The following VDAC1 variants were observed in gnomAD, a reference collection of about 807,000 sequenced individuals.
The protein encoded by VDAC1 is voltage dependent anion channel 1.
In VDAC1, 10 loss-of-function variants were observed where a neutral mutation model predicts 34.7. The observed-to-expected ratio is 0.29, with a 90% CI of 0.18 to 0.49. The LOEUF (loss-of-function observed/expected upper bound fraction) is 0.49. Ranked by LOEUF, VDAC1 falls within the 20% of genes least tolerant of loss-of-function variation. The pLI is 0.99. For synonymous variants in VDAC1, 130 were observed against 136.0 expected, an observed-to-expected ratio of 0.96 and a Z score of 0.30; for missense variants, 230 against 347.9, an observed-to-expected ratio of 0.66 and a Z score of 2.69.
chr5:134,096,872 C>T, the VDAC1 span, among the ~76,000 whole-genome samples: 3,307 of 152,344 alleles, frequency 0.022, 114 homozygotes, highest in African/African-American at 0.075. Context: ...TACAGGCATA[C>T]GCCACCGCAC....
chr5:134,108,707 T>C, the VDAC1 span, among the ~76,000 whole-genome samples: 1 of 152,082 alleles, frequency 6.6e-6, no homozygotes, highest in Non-Finnish European at 1.5e-5. Flanking sequence ...GGAATTGTCC[T>C]AGGTGGCAGG....
rs868482798 is a variant in VDAC1, at chr5:133,979,586, C to G, written c.551+1143G>C. The stretch of plus-strand genomic sequence containing the variant: ...CTGGGATTACAGGCACCCGCCACCA[C>G]GCCCAGCTAATTTTTGTATTTTTAG... On this transcript the variant is annotated intron_variant, in intron 6 of 8. Coordinates refer to ENST00000265333, the MANE Select transcript of VDAC1 (RefSeq NM_003374.3). 2.0e-5 allele frequency among the ~76,000 whole-genome samples: 3 copies of G among 151,866 alleles called. No individual in the cohort carries two copies. In the South Asian group the frequency reaches 6.2e-4, roughly 32 times the overall value.
At chr5:134,026,432 G>A in the VDAC1 span, among the ~76,000 whole-genome samples, 3 of 149,946 alleles carry the variant, frequency 2.0e-5, no homozygotes, top group East Asian at 2.0e-4. Flanking sequence ...GGAGAATGGC[G>A]TGAACCCGGG....
the VDAC1 span, among the ~76,000 whole-genome samples, chr5:134,065,023 G>GTTTCCTTTTTTA: frequency 1.2e-4 from 19 of 152,056 alleles, no homozygotes; most frequent in South Asian, 3.1e-3. Flanking sequence ...CCCGGCCTTA[G>GTTTCCTTTTTTA]TTTCCTTTTT....
rs115423444 is a variant in VDAC1, at chr5:134,003,690, C to T, written c.-7+1205G>A. Among the ~76,000 whole-genome samples the T allele has an allele frequency of 4.2e-3, 637 of 152,352 alleles. 2 individuals carry two copies. The highest frequency in any genetic ancestry group is 0.014 in the African/African-American group (596 of 41,572). On this transcript the variant is annotated intron_variant, in intron 1 of 8. Coordinates refer to ENST00000265333, the MANE Select transcript of VDAC1 (RefSeq NM_003374.3). ...AGCCCCAAGGGTGTCAGGGTTTCTA[C>T]TTAGCCCTTCTCCACACCGGCACTG...
chr5:134,014,904 G>A, the VDAC1 span, among the ~76,000 whole-genome samples: 1 of 152,058 alleles, frequency 6.6e-6, no homozygotes, highest in African/African-American at 2.4e-5. Context: ...AAAGACAAAT[G>A]CACATGTAGG....
chr5:134,058,637 C>T, the VDAC1 span, among the ~76,000 whole-genome samples: 4 of 152,182 alleles, frequency 2.6e-5, no homozygotes, highest in African/African-American at 9.7e-5. Context: ...CTCTTAAGGC[C>T]ACCTGAGAGA....
the VDAC1 span, among the ~76,000 whole-genome samples, chr5:134,054,159 A>G: frequency 6.6e-6 from 1 of 152,316 alleles, no homozygotes; most frequent in South Asian, 2.1e-4. Flanking sequence ...GTTCTAAATG[A>G]GACACCTTCT....
chr5:134,072,479 T>G, the VDAC1 span, among the ~76,000 whole-genome samples: 1 of 152,192 alleles, frequency 6.6e-6, no homozygotes, highest in African/African-American at 2.4e-5. Context: ...AACCTGCAGT[T>G]GACGGGAATC....
chr5:133,986,085 TG>T (rs770398357), intron 5 of VDAC1, among the ~76,000 whole-genome samples: 54 of 152,312 alleles, frequency 3.5e-4, no homozygotes, highest in Non-Finnish European at 6.2e-4. Context: ...CAGATATTAT[TG>T]GGATTTATTT....
intron 1 of VDAC1, among the ~76,000 whole-genome samples, chr5:133,997,304 T>C (rs1220900287): frequency 1.3e-5 from 2 of 152,150 alleles, no homozygotes; most frequent in Non-Finnish European, 2.9e-5. Flanking sequence ...TGCAGCAGTA[T>C]TTGTAACACA....
the VDAC1 span, among the ~76,000 whole-genome samples, chr5:134,071,415 C>T: frequency 2.2e-4 from 33 of 152,184 alleles, no homozygotes; most frequent in Middle Eastern, 3.2e-3. The surrounding 1 kb of genome is among the most constrained non-coding windows in gnomAD (Gnocchi z 4.1). Flanking sequence ...GTGCAGGTGG[C>T]GACATCCTCC....
chr5:134,084,946 A>T, the VDAC1 span, among the ~76,000 whole-genome samples: 1 of 152,208 alleles, frequency 6.6e-6, no homozygotes. Context: ...CCAGGATTCA[A>T]CCCACGGTTT....
chr5:133,995,234 C>T (rs1214946943), intron 1 of VDAC1, among the ~76,000 whole-genome samples: 1 of 152,186 alleles, frequency 6.6e-6, no homozygotes, highest in African/African-American at 2.4e-5. Context: ...CTAGGAGCTC[C>T]GACACGGCCA....
At chr5:134,014,676 G>T in the VDAC1 span, among the ~76,000 whole-genome samples, 1 of 152,150 alleles carries the variant, frequency 6.6e-6, no homozygotes, top group Non-Finnish European at 1.5e-5. Context: ...GACCAGCCTA[G>T]CCAACATAGT....
At chr5:134,039,271 A>T in the VDAC1 span, among the ~76,000 whole-genome samples, 5 of 152,180 alleles carry the variant, frequency 3.3e-5, no homozygotes, top group African/African-American at 9.7e-5. Flanking sequence ...GCTAGGCCCC[A>T]ACGAAACAGA....
the VDAC1 span, among the ~76,000 whole-genome samples, chr5:134,014,028 G>A: frequency 2.7e-5 from 4 of 150,332 alleles, no homozygotes; most frequent in African/African-American, 7.3e-5. Flanking sequence ...GGTGGCTCAC[G>A]CCTGTAATCC....
At chr5:134,025,481 G>A in the VDAC1 span, among the ~76,000 whole-genome samples, 12 of 152,150 alleles carry the variant, frequency 7.9e-5, no homozygotes, top group Non-Finnish European at 1.3e-4. Flanking sequence ...CTCAAATTGA[G>A]GTGAGGGCAG....
chr5:134,071,468 C>T, the VDAC1 span, among the ~76,000 whole-genome samples: 1 of 152,214 alleles, frequency 6.6e-6, no homozygotes, highest in Admixed American at 6.5e-5. This position sits in a 1 kb window ranked among gnomAD's most constrained non-coding sequence, Gnocchi z 4.1. Context: ...GCCTCCAACC[C>T]ACCCTGTCAT....
Sources: allele counts gnomAD v4.1 joint callset (sites outside exome capture counted in the v4.1 genomes callset), GRCh38; gene constraint gnomAD v4.1.1; non-coding constraint Gnocchi (gnomAD v3.1); transcripts MANE v1.5; gene names NCBI Gene and HGNC (gene_info 2026-07-23, HGNC 2026-07-21).